Variants in AUTS2 observed in about 807,000 individuals in gnomAD.
The protein encoded by AUTS2 is autism susceptibility gene 2 protein.
AUTS2 carries 17 observed loss-of-function variants against 112.4 expected under a neutral mutation model. That is an observed-to-expected ratio of 0.15 (90% CI 0.10 to 0.23). AUTS2 has a LOEUF of 0.23. AUTS2 is among the 10% of genes least tolerant of loss of function. The pLI is 1.00. For missense variants in AUTS2, 1,510 were observed against 1,701.6 expected (o/e 0.89, Z 1.98); for synonymous variants, 751 against 702.7 (o/e 1.07, Z -1.09).
intron 6 of AUTS2, among the ~76,000 whole-genome samples, chr7:70,738,824 A>C (rs771848149): frequency 1.3e-5 from 2 of 152,178 alleles, no homozygotes; most frequent in African/African-American, 2.4e-5. Context: ...CACTGGATAT[A>C]CATAGTTCAA....
chr7:70,363,157 C>T lies in AUTS2; in HGVS notation c.661-72595C>T, dbSNP rs562109967. On this transcript the variant is annotated intron_variant, in intron 4 of 18. Coordinates refer to ENST00000342771, the MANE Select transcript of AUTS2 (RefSeq NM_015570.4). ...TTTCATTGTATTAACTGTTGTTCTA[C>T]ATCTGTTTGGATCCATTCTGTGGAT... Among the ~76,000 whole-genome samples, 50 of 152,294 alleles carry T rather than the reference C, an allele frequency of 3.3e-4. No individual in the cohort carries two copies. The South Asian group carries it at 0.01, about 31-fold the overall frequency.
chr7:70,679,227 C>G (rs1170884913), intron 5 of AUTS2, among the ~76,000 whole-genome samples: 1 of 152,136 alleles, frequency 6.6e-6, no homozygotes, highest in African/African-American at 2.4e-5. Flanking sequence ...TAAAAGACAT[C>G]TAAAACAAAC....
At chr7:70,594,940 A>G (rs1260754005) in intron 5 of AUTS2, among the ~76,000 whole-genome samples, 1 of 152,146 alleles carries the variant, frequency 6.6e-6, no homozygotes, top group African/African-American at 2.4e-5. Context: ...TGCCTCTACT[A>G]AAAATACAAA....
At chr7:70,621,305 G>T (rs112299631) in intron 5 of AUTS2, among the ~76,000 whole-genome samples, 3,478 of 152,254 alleles carry the variant, frequency 0.023, 83 homozygotes, top group African/African-American at 0.05. Flanking sequence ...TGTATTCACT[G>T]TGGGGGCAGG....
At chr7:70,721,634 C>A (rs1003760619) in intron 6 of AUTS2, among the ~76,000 whole-genome samples, 2 of 152,160 alleles carry the variant, frequency 1.3e-5, no homozygotes, top group Admixed American at 1.3e-4. Context: ...AGATGTTGTA[C>A]ATAGCTTTGC....
At chr7:70,270,573 C>T (rs919350646) in intron 4 of AUTS2, among the ~76,000 whole-genome samples, 1 of 152,002 alleles carries the variant, frequency 6.6e-6, no homozygotes, top group Non-Finnish European at 1.5e-5. Flanking sequence ...GCATGCAGGA[C>T]CCTTTGAAAG....
intron 1 of AUTS2, among the ~76,000 whole-genome samples, chr7:69,722,480 G>A (rs1275888886): frequency 1.3e-5 from 2 of 150,412 alleles, no homozygotes; most frequent in Non-Finnish European, 1.5e-5. Flanking sequence ...GGGCTCAAAC[G>A]CTACCACACC....
intron 1 of AUTS2, among the ~76,000 whole-genome samples, chr7:69,849,900 CA>C (rs1212664210): frequency 6.6e-6 from 1 of 152,086 alleles, no homozygotes; most frequent in Non-Finnish European, 1.5e-5. Flanking sequence ...CTGCTAGGAA[CA>C]ATTATTTACA....
intron 4 of AUTS2, among the ~76,000 whole-genome samples, chr7:70,420,025 G>A (rs1795150283): frequency 6.6e-6 from 1 of 152,234 alleles, no homozygotes; most frequent in Non-Finnish European, 1.5e-5. Context: ...AGTTGCAGGG[G>A]AGAGAATTAA....
At chr7:69,795,246 C>T (rs954192223) in intron 1 of AUTS2, among the ~76,000 whole-genome samples, 2 of 152,042 alleles carry the variant, frequency 1.3e-5, no homozygotes, top group Non-Finnish European at 2.9e-5. Context: ...AGTTTTGTGA[C>T]CTTAGAATTT....
chr7:70,782,736 A>G (rs1404283304), intron 15 of AUTS2: 1 of 152,204 alleles, frequency 6.6e-6, no homozygotes, highest in East Asian at 1.9e-4. Flanking sequence ...TCCTTACGAG[A>G]CAAGTCTTAC....
intron 1 of AUTS2, among the ~76,000 whole-genome samples, chr7:69,705,890 C>G (rs779224087): frequency 6.6e-5 from 10 of 151,968 alleles, no homozygotes; most frequent in Non-Finnish European, 1.0e-4. Flanking sequence ...TGCACATATC[C>G]GTGTTCAGAT....
chr7:69,931,243 G>T (rs1190046570), intron 2 of AUTS2, among the ~76,000 whole-genome samples: 1 of 152,026 alleles, frequency 6.6e-6, no homozygotes, highest in Non-Finnish European at 1.5e-5. Context: ...ACCATGCCTG[G>T]CATAGTGGCA....
intron 2 of AUTS2, among the ~76,000 whole-genome samples, chr7:69,956,194 C>T (rs1181421494): frequency 6.6e-6 from 1 of 152,006 alleles, no homozygotes; most frequent in African/African-American, 2.4e-5. Context: ...GCTGGCATCT[C>T]ATTCCAGGGA....
intron 6 of AUTS2, among the ~76,000 whole-genome samples, chr7:70,712,328 A>G (rs1017707949): frequency 6.7e-6 from 1 of 150,244 alleles, no homozygotes; most frequent in African/African-American, 2.5e-5. Flanking sequence ...GATTACAGGC[A>G]TGAGCCACCA....
intron 4 of AUTS2, among the ~76,000 whole-genome samples, chr7:70,302,862 G>A (rs138681079): frequency 0.015 from 2,303 of 150,708 alleles, 23 homozygotes; most frequent in Middle Eastern, 0.038. Flanking sequence ...GCGTGCATGC[G>A]TGCTGCAAGT....
chr7:69,667,372 G>A (rs1460502199), intron 1 of AUTS2, among the ~76,000 whole-genome samples: 14 of 98,128 alleles, frequency 1.4e-4, no homozygotes, highest in African/African-American at 4.6e-4. Flanking sequence ...TTTTTTTTTT[G>A]AGATGGAGTC....
rs184635924 is a variant in AUTS2 at position 70,294,955 on chromosome 7, T to G, written c.661-140797T>G. 8.5e-5 allele frequency among the ~76,000 whole-genome samples: 13 copies of G among 152,124 alleles called. No individual in the cohort carries two copies. In the East Asian group the frequency reaches 2.3e-3, roughly 27 times the overall value. On this transcript the variant is annotated intron_variant, in intron 4 of 18. Transcript: ENST00000342771. ...TAGATCATGAAGACATAGGCAAGAA[T>G]AGTTTACTCCTCTAAATTTACTAGG...
intron 4 of AUTS2, among the ~76,000 whole-genome samples, chr7:70,340,163 A>AACACACACACACACACAC (rs71077652): frequency 0.016 from 2,341 of 144,704 alleles, 32 homozygotes; most frequent in African/African-American, 0.042. Context: ...TATGGAGAGA[A>AACACACACACACACACAC]ACACACACAC....
Sources: gnomAD v4.1 joint callset for allele counts (sites outside exome capture counted in the v4.1 genomes callset) on GRCh38, gnomAD v4.1.1 for gene constraint, MANE v1.5 for transcripts, NCBI Gene and HGNC (gene_info 2026-07-23, HGNC 2026-07-21) for gene names.